NRXN3: variants seen among roughly 807,000 people sequenced by gnomAD.
The protein encoded by NRXN3 is neurexin III.
NRXN3 carries 32 observed loss-of-function variants against 137.6 expected under a neutral mutation model. The ratio of observed to expected loss-of-function variants is 0.23; its 90% CI spans 0.18 to 0.31. NRXN3 has a LOEUF of 0.31. Ranked by LOEUF, NRXN3 falls within the 10% of genes least tolerant of loss-of-function variation. The pLI, the probability that NRXN3 is intolerant of heterozygous loss-of-function variation, is 1.00. For missense variants in NRXN3, 1,574 were observed against 2,062.5 expected (o/e 0.76, Z 4.59); for synonymous variants, 798 against 784.5 (o/e 1.02, Z -0.29).
intron 6 of NRXN3, among the ~76,000 whole-genome samples, chr14:78,656,252 T>C (rs1459682640): frequency 2.6e-5 from 4 of 152,198 alleles, no homozygotes; most frequent in Admixed American, 6.5e-5. Flanking sequence ...TAGCAGTTAA[T>C]GCACAACATG....
chr14:78,418,878 G>A (rs968208085), intron 4 of NRXN3, among the ~76,000 whole-genome samples: 10 of 152,202 alleles, frequency 6.6e-5, no homozygotes, highest in Admixed American at 2.0e-4. Flanking sequence ...GCACAGAGAG[G>A]CATAGAAACT....
chr14:78,192,014 G>A (rs970869585), intron 1 of NRXN3, among the ~76,000 whole-genome samples: 5 of 151,882 alleles, frequency 3.3e-5, no homozygotes, highest in Admixed American at 1.3e-4. Flanking sequence ...CTGCCACGAG[G>A]CCCCTTTGGA....
At chr14:79,742,537 A>C (rs2098966558) in intron 19 of NRXN3, among the ~76,000 whole-genome samples, 1 of 152,162 alleles carries the variant, frequency 6.6e-6, no homozygotes, top group Non-Finnish European at 1.5e-5. Context: ...ATGTCAATCC[A>C]AGTATTTCTA....
In NRXN3 at chr14:78,507,138, C is replaced by T. The variant is rs540196924; in HGVS notation, c.758-137982C>T. On this transcript the variant is annotated intron_variant, in intron 4 of 20. Transcript: ENST00000335750. ...GGGTGACGCTATGTCACTCAAATAA[C>T]GGGACACTCGTTTACTGGGTGTCCA... Among the ~76,000 whole-genome samples the T allele has an allele frequency of 4.6e-5, 7 of 152,278 alleles. No homozygotes were observed. In the South Asian group the frequency reaches 8.3e-4, roughly 18 times the overall value.
chr14:78,332,926 TATAA>T (rs1309673669), intron 4 of NRXN3, among the ~76,000 whole-genome samples: 2 of 151,974 alleles, frequency 1.3e-5, no homozygotes, highest in Non-Finnish European at 2.9e-5. Flanking sequence ...CCAGCCTGCC[TATAA>T]AATGGAGGAC....
intron 15 of NRXN3, among the ~76,000 whole-genome samples, chr14:79,365,569 A>G (rs997217127): frequency 2.7e-5 from 4 of 150,842 alleles, no homozygotes; most frequent in African/African-American, 9.7e-5. Context: ...AATATAAAAA[A>G]TTAGCCGGGC....
chr14:79,263,738 A>C (rs1412869707), intron 15 of NRXN3, among the ~76,000 whole-genome samples: 1 of 152,204 alleles, frequency 6.6e-6, no homozygotes, highest in Non-Finnish European at 1.5e-5. Flanking sequence ...TCCAGAAAAA[A>C]AATGCATACC....
chr14:79,632,596 A>T (rs1298350871), intron 16 of NRXN3, among the ~76,000 whole-genome samples: 1 of 152,186 alleles, frequency 6.6e-6, no homozygotes, highest in Non-Finnish European at 1.5e-5. Flanking sequence ...TGTTCTACAA[A>T]ATTTCACTTC....
chr14:78,951,336 T>G (rs1234272939), intron 10 of NRXN3, among the ~76,000 whole-genome samples: 1 of 152,192 alleles, frequency 6.6e-6, no homozygotes, highest in East Asian at 1.9e-4. Context: ...TCATGTGATC[T>G]GGACTCTGCC....
At chr14:78,727,892 A>T (rs1333406206) in intron 8 of NRXN3, among the ~76,000 whole-genome samples, 1 of 152,222 alleles carries the variant, frequency 6.6e-6, no homozygotes, top group Admixed American at 6.5e-5. Context: ...GTACCACTAG[A>T]CAAGGAAATC....
chr14:79,101,446 C>T (rs1405319387), intron 15 of NRXN3, among the ~76,000 whole-genome samples: 2 of 152,166 alleles, frequency 1.3e-5, no homozygotes, highest in African/African-American at 2.4e-5. Context: ...GACAGAAAAA[C>T]GTCGGGATGA....
chr14:79,095,120 C>A (rs1441167431), intron 15 of NRXN3, among the ~76,000 whole-genome samples: 1 of 151,978 alleles, frequency 6.6e-6, no homozygotes, highest in Non-Finnish European at 1.5e-5. Flanking sequence ...GACTGGCATG[C>A]ATTATGCTAA....
intron 2 of NRXN3, among the ~76,000 whole-genome samples, chr14:78,260,798 G>T (rs1343374948): frequency 6.6e-6 from 1 of 152,162 alleles, no homozygotes; most frequent in East Asian, 1.9e-4. Context: ...TCTTTCTTTT[G>T]TAAATTGCCC....
intron 15 of NRXN3, among the ~76,000 whole-genome samples, chr14:79,239,501 C>CA (rs1340156888): frequency 6.6e-6 from 1 of 151,578 alleles, no homozygotes; most frequent in African/African-American, 2.4e-5. Context: ...GAGGCTATTA[C>CA]AAAAAAAGTA....
intron 4 of NRXN3, among the ~76,000 whole-genome samples, chr14:78,454,599 C>A (rs2094637487): frequency 6.6e-6 from 1 of 152,144 alleles, no homozygotes; most frequent in Non-Finnish European, 1.5e-5. Context: ...AATGCTGTGG[C>A]CTCTCTACAG....
At chr14:78,490,392 A>T (rs1329011831) in intron 4 of NRXN3, among the ~76,000 whole-genome samples, 2 of 152,200 alleles carry the variant, frequency 1.3e-5, no homozygotes, top group Non-Finnish European at 2.9e-5. Flanking sequence ...TTGAAAACAA[A>T]ATCATATAGG....
chr14:79,581,127 C>T (rs1034038209), intron 16 of NRXN3, among the ~76,000 whole-genome samples: 1 of 152,068 alleles, frequency 6.6e-6, no homozygotes, highest in Non-Finnish European at 1.5e-5. Flanking sequence ...GTGCAGAAAT[C>T]AGCTCAACTC....
chr14:78,241,425 G>A (rs1310053540), intron 1 of NRXN3, among the ~76,000 whole-genome samples: 2 of 152,092 alleles, frequency 1.3e-5, no homozygotes, highest in African/African-American at 4.8e-5. Context: ...TTTGAGACCA[G>A]CCTGGGCAAC....
intron 4 of NRXN3, among the ~76,000 whole-genome samples, chr14:78,385,552 C>A (rs2153635513): frequency 6.6e-6 from 1 of 152,276 alleles, no homozygotes; most frequent in Non-Finnish European, 1.5e-5. Context: ...CCTCTTACCC[C>A]TTCTTATGAT....
Sources: gnomAD v4.1 joint callset for allele counts (sites outside exome capture counted in the v4.1 genomes callset) on GRCh38, gnomAD v4.1.1 for gene constraint, MANE v1.5 for transcripts, NCBI Gene and HGNC (gene_info 2026-07-23, HGNC 2026-07-21) for gene names.